WASHC5: variants seen among roughly 807,000 people sequenced by gnomAD.
WASHC5 encodes WASH complex subunit 5, also known as WASH complex subunit strumpellin.
A neutral mutation model predicts 150.4 loss-of-function variants in WASHC5; 101 were observed. The observed-to-expected ratio is 0.67, with a 90% CI of 0.57 to 0.79. The LOEUF (loss-of-function observed/expected upper bound fraction) is 0.79, where lower values mean the gene tolerates loss of function less well. Ranked by LOEUF, WASHC5 falls within the 30% of genes least tolerant of loss-of-function variation. WASHC5 has a pLI of 0.00. For missense variants in WASHC5, 1,195 were observed against 1,396.3 expected, an observed-to-expected ratio of 0.86 and a Z score of 2.30; for synonymous variants, 467 against 491.2, an observed-to-expected ratio of 0.95 and a Z score of 0.65.
At chr8:125,052,454 G>A (rs577005088) in intron 17 of WASHC5, among the ~76,000 whole-genome samples, 3 of 150,796 alleles carry the variant, frequency 2.0e-5, no homozygotes, top group Non-Finnish European at 2.9e-5. Flanking sequence ...TTCTCCATTC[G>A]TTTATATACA....
chr8:125,078,375 T>C (rs1273994834), intron 6 of WASHC5, among the ~76,000 whole-genome samples: 1 of 152,208 alleles, frequency 6.6e-6, no homozygotes, highest in Non-Finnish European at 1.5e-5. Flanking sequence ...CATCTGCCTT[T>C]CCTAAGCTAC....
At position 125,024,596 on chromosome 8, in the gene WASHC5, T is replaced by C. The variant is rs1319592927; in HGVS notation, c.*21A>G. On this transcript the variant is annotated 3_prime_UTR_variant, in exon 29 of 29. Coordinates refer to ENST00000318410, the MANE Select transcript of WASHC5 (RefSeq NM_014846.4). ...GGAAGATCTAAGGACAATCCTTCCA[T>C]TGAAGAAGTAGGAAAAACAGTTACA... is the stretch of plus-strand genomic sequence containing the variant. 2.5e-6 allele frequency: 4 copies of C among 1,570,478 alleles called. No homozygotes were observed. Among genetic ancestry groups the C allele is most frequent in the Non-Finnish European group, 3.5e-6 (4 of 1,140,488 alleles).
intron 27 of WASHC5, among the ~76,000 whole-genome samples, chr8:125,030,265 T>C (rs1815488563): frequency 6.6e-6 from 1 of 152,214 alleles, no homozygotes; most frequent in African/African-American, 2.4e-5. Context: ...TCTGGGAGCC[T>C]GGGCCAGAGG....
intron 9 of WASHC5, among the ~76,000 whole-genome samples, chr8:125,070,875 T>C (rs1044614372): frequency 1.3e-5 from 2 of 152,142 alleles, no homozygotes; most frequent in Non-Finnish European, 2.9e-5. Flanking sequence ...TTTTCAAAGA[T>C]ACGAAGGATG....
chr8:125,051,882 CAAAAAA>C (rs892871932), intron 17 of WASHC5, among the ~76,000 whole-genome samples: 99 of 150,460 alleles, frequency 6.6e-4, no homozygotes, highest in African/African-American at 2.3e-3. Context: ...AACTCTGTCT[CAAAAAA>C]AAAGACTTAA....
In WASHC5 at chr8:125,082,393, T is replaced by C. The variant is rs1817290327; in HGVS notation, c.407A>G (p.Lys136Arg). The C allele has an allele frequency of 1.3e-6, 2 of 1,543,898 alleles. No homozygotes were observed. Among genetic ancestry groups the C allele is most frequent in the Non-Finnish European group, 1.8e-6 (2 of 1,116,710 alleles). ...ATCATTATTACTTACTAGAAGTTGT[T>C]TTCCATCTTCATTGAGAAGCACAGT... is the stretch of plus-strand genomic sequence containing the variant. ...LETVLLNEDGKQLLCEALYLY... is the reference protein window; with the variant it reads ...LETVLLNEDGRQLLCEALYLY... Residue 136 changes from lysine (K) to arginine (R), a missense_variant, in exon 4 of 29, where the codon AAA becomes AGA. Around this residue, in one of 3 missense-constraint regions of WASHC5, gnomAD observed 195 missense variants for 206.9 expected, o/e 0.94. Coordinates refer to ENST00000318410, the MANE Select transcript of WASHC5 (RefSeq NM_014846.4).
chr8:125,072,720 T>C (rs538812976), intron 9 of WASHC5, among the ~76,000 whole-genome samples: 1 of 152,140 alleles, frequency 6.6e-6, no homozygotes, highest in African/African-American at 2.4e-5. Context: ...TCCAGAAACA[T>C]CTCCTTAAAG....
At chr8:125,045,546 G>C (rs1816040548) in intron 20 of WASHC5, among the ~76,000 whole-genome samples, 1 of 152,148 alleles carries the variant, frequency 6.6e-6, no homozygotes, top group Non-Finnish European at 1.5e-5. Flanking sequence ...AATAGTTCTG[G>C]GGGAGAGCTC....
Position 125,056,284 on chromosome 8 carries a change from T to C in WASHC5, c.2016+393A>G, listed in dbSNP as rs116929049. ...CTGAGGCTGCTGAACTATTATTGAG[T>C]GAGCTTAAAATCTGCCCAAAAGAAA... On this transcript the variant is annotated intron_variant, in intron 16 of 28. Transcript: ENST00000318410. 1.6e-3 allele frequency among the ~76,000 whole-genome samples: 248 copies of C among 152,264 alleles called. 4 individuals carry two copies. In the East Asian group the frequency reaches 0.022, roughly 13 times the overall value.
chr8:125,037,267 A>G lies in WASHC5; in HGVS notation c.3151T>C (p.Leu1051=). 1 of 1,611,868 alleles carries G rather than the reference A, an allele frequency of 6.2e-7. No homozygotes were observed. The highest frequency in any genetic ancestry group is 8.5e-7 in the Non-Finnish European group (1 of 1,178,022). Residue 1051 remains leucine, a synonymous_variant, in exon 26 of 29, where the codon TTG becomes CTG. Coordinates refer to ENST00000318410, the MANE Select transcript of WASHC5 (RefSeq NM_014846.4). ...TTTTTGTTGTATTGAAGTTTTGGCA[A>G]CTGAGCGATCAAAAATAGAAAGTTT... ...IVNFLFLIAQ[L]PKLQYNKNLG... is the part of the protein sequence containing the mutation.
At chr8:125,066,352 T>C (rs1014614836) in intron 10 of WASHC5, among the ~76,000 whole-genome samples, 1 of 152,176 alleles carries the variant, frequency 6.6e-6, no homozygotes, top group Non-Finnish European at 1.5e-5. Flanking sequence ...ACATCTAATA[T>C]ACTAGTAACC....
At chr8:125,064,436 T>C (rs1372343901) in intron 10 of WASHC5, among the ~76,000 whole-genome samples, 1 of 151,472 alleles carries the variant, frequency 6.6e-6, no homozygotes, top group Non-Finnish European at 1.5e-5. Context: ...CCCAGGCTGG[T>C]GTCTCAAACT....
At chr8:125,090,224 G>A (rs1277661982) in intron 1 of WASHC5, among the ~76,000 whole-genome samples, 1 of 152,176 alleles carries the variant, frequency 6.6e-6, no homozygotes, top group Non-Finnish European at 1.5e-5. Context: ...AATTTGGCTA[G>A]AGTATTTGGT....
At chr8:125,043,393 C>T (rs1000466260) in intron 23 of WASHC5, among the ~76,000 whole-genome samples, 7 of 152,312 alleles carry the variant, frequency 4.6e-5, no homozygotes, top group Middle Eastern at 3.4e-3. Flanking sequence ...ATAATTTATG[C>T]CCCAAAGAAC....
chr8:125,038,931 A>T lies in WASHC5; in HGVS notation c.2983T>A (p.Tyr995Asn). The T allele has an allele frequency of 3.1e-6, 5 of 1,614,016 alleles. No individual in the cohort carries two copies. Among genetic ancestry groups the T allele is most frequent in the Non-Finnish European group, 4.2e-6 (5 of 1,179,858 alleles). The change falls in exon 25 of 29, where the codon TAT becomes AAT. Residue 995 changes from tyrosine to asparagine, a missense_variant. Physicochemically the swap from Tyr to Asn is moderately radical, Grantham distance 143. Around this residue, in one of 3 missense-constraint regions of WASHC5, gnomAD observed 997 missense variants for 1,168.1 expected, o/e 0.85. Transcript: ENST00000318410. Reference sequence around the variant, plus strand: ...GGGTAAGGAAGTGAAGGGTCCTGATAGTGGGCTTCAATGTCTGCTAGGAGA... The same window carrying T: ...GGGTAAGGAAGTGAAGGGTCCTGATTGTGGGCTTCAATGTCTGCTAGGAGA... ...KALLADIEAH[Y>N]QDPSLPYPKE...
chr8:125,026,004 G>A (rs1375624674), intron 28 of WASHC5, among the ~76,000 whole-genome samples: 1 of 151,972 alleles, frequency 6.6e-6, no homozygotes, highest in Non-Finnish European at 1.5e-5. Context: ...CTGGGATCAG[G>A]GTAAGTATAT....
chr8:125,051,748 G>T (rs144777592), intron 17 of WASHC5, among the ~76,000 whole-genome samples: 5 of 152,186 alleles, frequency 3.3e-5, no homozygotes, highest in African/African-American at 1.2e-4. Context: ...TTAGTCGGGC[G>T]TGGTGGCACA....
chr8:125,090,828 C>T (rs957850357), intron 1 of WASHC5, among the ~76,000 whole-genome samples: 1 of 152,194 alleles, frequency 6.6e-6, no homozygotes, highest in African/African-American at 2.4e-5. Context: ...TCCATTATCA[C>T]AAACAAAATA....
In WASHC5 at chr8:125,056,374, C is replaced by A. The variant is rs4425776; in HGVS notation, c.2016+303G>T. ...GGAACATGAATATGAAAAGTCAGGT[C>A]ATCTAGCTCAAAGAGAACAAGGGCT... On this transcript the variant is annotated intron_variant, in intron 16 of 28. Transcript: ENST00000318410. Among the ~76,000 whole-genome samples the A allele has an allele frequency of 0.11, 16,621 of 152,164 alleles. 2,124 individuals are homozygous for A. The highest frequency in any genetic ancestry group is 0.31 in the African/African-American group (12,695 of 41,452).
Sources: allele counts gnomAD v4.1 joint callset (sites outside exome capture counted in the v4.1 genomes callset), GRCh38; gene constraint gnomAD v4.1.1; regional missense constraint gnomAD v4.1.1; transcripts MANE v1.5; gene names NCBI Gene and HGNC (gene_info 2026-07-23, HGNC 2026-07-21).